The following CD200R1 variants were observed in gnomAD, a reference collection of about 807,000 sequenced individuals.
CD200R1 encodes the protein cell surface glycoprotein CD200 receptor 1.
In CD200R1, 30 loss-of-function variants were observed where a neutral mutation model predicts 38.1. The ratio of observed to expected loss-of-function variants is 0.79; its 90% CI spans 0.59 to 1.07. The LOEUF (loss-of-function observed/expected upper bound fraction) is 1.07. CD200R1 is among the 50% of genes least tolerant of loss of function. CD200R1 has a pLI of 0.00. For synonymous variants in CD200R1, 128 were observed against 152.1 expected (o/e 0.84, Z 1.16); for missense variants, 372 against 415.4 (o/e 0.90, Z 0.91).
chr3:112,928,860 G>A lies in CD200R1; in HGVS notation c.725C>T (p.Ser242Phe). Reference protein sequence around the residue: ...HNVSTVTCHVSHLTGNKSLYI... With the variant: ...HNVSTVTCHVFHLTGNKSLYI... The stretch of plus-strand genomic sequence containing the variant: ...CAGACTCTTGTTGCCAGTCAAATGG[G>A]AGACGTGGCAGGTCACGGTAGACAC... The change falls in exon 5 of 8, where the codon TCC becomes TTC. Residue 242 changes from serine (S) to phenylalanine (F), a missense_variant. By Grantham distance (155) the Ser-to-Phe change is radical. Coordinates refer to ENST00000308611, the MANE Select transcript of CD200R1 (RefSeq NM_138806.4). 6.2e-7 allele frequency: 1 copy of A among 1,613,856 alleles called. No individual in the cohort carries two copies. Among genetic ancestry groups the A allele is most frequent in the South Asian group, 1.1e-5 (1 of 91,070 alleles).
chr3:112,947,930 T>G lies in CD200R1; in HGVS notation c.68-6A>C, dbSNP rs1336856367. On this transcript the variant is annotated splice_region_variant and splice_polypyrimidine_tract_variant and intron_variant, in intron 1 of 7. Coordinates refer to ENST00000308611, the MANE Select transcript of CD200R1 (RefSeq NM_138806.4). ...TTGAGCAGCACCCTCCGCTTCTGAA[T>G]TTTGAAAAAGACATAGGGGGTAGAG... 4 of 1,602,636 alleles carry G rather than the reference T, an allele frequency of 2.5e-6. No individual in the cohort carries two copies. Among genetic ancestry groups the G allele is most frequent in the Non-Finnish European group, 3.4e-6 (4 of 1,169,786 alleles).
At chr3:112,952,654 G>T (rs888476568) in intron 1 of CD200R1, among the ~76,000 whole-genome samples, 2 of 152,050 alleles carry the variant, frequency 1.3e-5, no homozygotes, top group African/African-American at 4.8e-5. Flanking sequence ...GAGGAGGGGG[G>T]AGGGATAGCA....
chr3:112,967,543 A>C (rs1490511246), intron 1 of CD200R1, among the ~76,000 whole-genome samples: 4 of 152,156 alleles, frequency 2.6e-5, no homozygotes, highest in African/African-American at 9.7e-5. Context: ...TATCTTTCCC[A>C]CCAGATTTAA....
intron 1 of CD200R1, among the ~76,000 whole-genome samples, chr3:112,973,389 G>A (rs1346478396): frequency 6.6e-6 from 1 of 152,144 alleles, no homozygotes; most frequent in East Asian, 1.9e-4. Context: ...TAAATAATGA[G>A]GAAAATTGCC....
In CD200R1 at chr3:112,925,158, G is replaced by C; in HGVS notation, c.805C>G (p.Pro269Ala). Residue 269 changes from proline to alanine, a missense_variant, in exon 6 of 8, where the codon CCA becomes GCA. Coordinates refer to ENST00000308611, the MANE Select transcript of CD200R1 (RefSeq NM_138806.4). ...GAKKSAKLYI[P>A]YIILTIIILT... Reference sequence around the variant, plus strand: ...ATAATAATAGTAAGGATGATATATGGAATATATAATTTTGCTGATTTTTTG... The same window carrying C: ...ATAATAATAGTAAGGATGATATATGCAATATATAATTTTGCTGATTTTTTG... 1 of 1,603,826 alleles carries C rather than the reference G, an allele frequency of 6.2e-7. No homozygotes were observed.
chr3:112,947,084 A>G (rs935053999), intron 2 of CD200R1, among the ~76,000 whole-genome samples: 2 of 152,190 alleles, frequency 1.3e-5, no homozygotes, highest in African/African-American at 4.8e-5. Context: ...AAAAGACAAA[A>G]CTATGGAGAC....
At chr3:112,958,165 A>G (rs979754600) in intron 1 of CD200R1, among the ~76,000 whole-genome samples, 12 of 152,256 alleles carry the variant, frequency 7.9e-5, no homozygotes, top group African/African-American at 2.9e-4. Context: ...AAACATATCC[A>G]CAGAAGACTT....
Position 112,951,106 on chromosome 3 carries a change from A to T in CD200R1, c.68-3182T>A, listed in dbSNP as rs558873429. 2.8e-4 allele frequency among the ~76,000 whole-genome samples: 42 copies of T among 152,242 alleles called. No individual in the cohort carries two copies. In the South Asian group the frequency reaches 4.6e-3, roughly 17 times the overall value. ...CTAGTTCTTTAAAAAGATAATCAAC[A>T]TTTATAAACTAACAACTAGACTGAT... On this transcript the variant is annotated intron_variant, in intron 1 of 7. Transcript: ENST00000308611.
intron 2 of CD200R1, among the ~76,000 whole-genome samples, chr3:112,946,118 A>G (rs1212191440): frequency 6.6e-6 from 1 of 151,824 alleles, no homozygotes; most frequent in African/African-American, 2.4e-5. Context: ...CCTCTGAGGG[A>G]TTCCATCACC....
intron 1 of CD200R1, among the ~76,000 whole-genome samples, chr3:112,966,502 AT>A (rs540255669): frequency 9.4e-4 from 143 of 152,232 alleles, no homozygotes; most frequent in African/African-American, 3.3e-3. Context: ...CCATTTGGAC[AT>A]TTTTTTCAAG....
rs1002139090 is a variant in CD200R1 at position 112,922,383 on chromosome 3, AC to A, written c.*1293del. On this transcript the variant is annotated 3_prime_UTR_variant, in exon 8 of 8. Coordinates refer to ENST00000308611, the MANE Select transcript of CD200R1 (RefSeq NM_138806.4). ...ATAAACATTGCCAATATTTTGCTCC[AC>A]AAAAATATGGAGGGGAGGGTCATGC... 45 of 152,016 alleles carry A rather than the reference AC, an allele frequency of 3.0e-4. No homozygotes were observed. Among genetic ancestry groups the A allele is most frequent in the African/African-American group, 1.0e-3 (43 of 41,436 alleles). The allele number at this position is 152,016 out of a possible 1,614,324, so 9.4% of individuals were successfully genotyped here.
chr3:112,968,500 T>C (rs1035881998), intron 1 of CD200R1, among the ~76,000 whole-genome samples: 3 of 152,176 alleles, frequency 2.0e-5, no homozygotes, highest in Non-Finnish European at 4.4e-5. Flanking sequence ...AGGGTGTCAA[T>C]GCTTGGAAGA....
chr3:112,960,100 CTG>C (rs906885441), intron 1 of CD200R1, among the ~76,000 whole-genome samples: 4 of 152,026 alleles, frequency 2.6e-5, no homozygotes, highest in African/African-American at 9.7e-5. Context: ...AACTTTGTAA[CTG>C]AGATCTTATT....
chr3:112,973,302 T>C (rs1479023840), intron 1 of CD200R1, among the ~76,000 whole-genome samples: 1 of 152,172 alleles, frequency 6.6e-6, no homozygotes, highest in Non-Finnish European at 1.5e-5. Context: ...TTTAGGTGAG[T>C]AACAGTCTAT....
chr3:112,951,402 G>A (rs143973656), intron 1 of CD200R1, among the ~76,000 whole-genome samples: 9 of 152,032 alleles, frequency 5.9e-5, no homozygotes, highest in African/African-American at 2.2e-4. Flanking sequence ...ACAAATTTAA[G>A]CAAACATGTA....
chr3:112,941,936 T>C (rs1940737907), intron 2 of CD200R1, among the ~76,000 whole-genome samples: 1 of 151,574 alleles, frequency 6.6e-6, no homozygotes, highest in Admixed American at 6.6e-5. Context: ...GTAAAATATT[T>C]GAGGTGTTGA....
At chr3:112,957,847 A>G (rs983679760) in intron 1 of CD200R1, among the ~76,000 whole-genome samples, 9 of 152,194 alleles carry the variant, frequency 5.9e-5, no homozygotes, top group African/African-American at 2.2e-4. Context: ...CTCATGAAAA[A>G]TAAAAAGATA....
intron 1 of CD200R1, among the ~76,000 whole-genome samples, chr3:112,967,977 G>T (rs943199113): frequency 1.3e-5 from 2 of 152,166 alleles, no homozygotes; most frequent in Admixed American, 1.3e-4. Context: ...CTTTGTGAAG[G>T]CTTTATACTT....
chr3:112,943,043 A>G (rs545063657), intron 2 of CD200R1, among the ~76,000 whole-genome samples: 1 of 151,910 alleles, frequency 6.6e-6, no homozygotes, highest in Admixed American at 6.5e-5. Context: ...GGAGACTTCA[A>G]TACCCCTCTA....
Sources: gnomAD v4.1 joint callset for allele counts (sites outside exome capture counted in the v4.1 genomes callset) on GRCh38, gnomAD v4.1.1 for gene constraint, MANE v1.5 for transcripts, NCBI Gene and HGNC (gene_info 2026-07-23, HGNC 2026-07-21) for gene names.